The following TMEM131 variants were observed in gnomAD, a reference collection of about 807,000 sequenced individuals.
TMEM131 encodes the protein transmembrane protein 131.
Under a neutral mutation model 211.6 loss-of-function variants are expected in TMEM131, and 66 were observed. The observed-to-expected ratio is 0.31, with a 90% CI of 0.26 to 0.38. The LOEUF is 0.38. Ranked by LOEUF, TMEM131 falls within the 10% of genes least tolerant of loss-of-function variation. TMEM131 has a pLI of 1.00. For synonymous variants in TMEM131, 844 were observed against 841.3 expected, an observed-to-expected ratio of 1.00 and a Z score of -0.06; for missense variants, 2,036 against 2,299.3, an observed-to-expected ratio of 0.89 and a Z score of 2.34.
At chr2:97,873,613 G>A (rs542354120) in intron 4 of TMEM131, among the ~76,000 whole-genome samples, 2 of 152,178 alleles carry the variant, frequency 1.3e-5, no homozygotes, top group African/African-American at 2.4e-5. Context: ...AAACAGCGTC[G>A]GGAGTGGACC....
intron 3 of TMEM131, among the ~76,000 whole-genome samples, chr2:97,894,762 T>C (rs1349001132): frequency 6.6e-6 from 1 of 152,176 alleles, no homozygotes; most frequent in Non-Finnish European, 1.5e-5. Context: ...AGCTTAAGGA[T>C]ATTTTGAGCT....
intron 10 of TMEM131, 46 bp from the exon 11 acceptor site, chr2:97,833,472 TAGCC>T: frequency 2.3e-6 from 2 of 884,204 alleles, no homozygotes; most frequent in Non-Finnish European, 3.5e-6. Flanking sequence ...AGGTGCTTTT[TAGCC>T]AAGTTAGAAT....
At chr2:97,776,887 G>C (rs1214692119) in intron 31 of TMEM131, among the ~76,000 whole-genome samples, 1 of 152,214 alleles carries the variant, frequency 6.6e-6, no homozygotes, top group Non-Finnish European at 1.5e-5. Flanking sequence ...ACCACACAGG[G>C]CTGTACTGAG....
chr2:97,927,461 C>G lies in TMEM131; in HGVS notation c.214G>C (p.Glu72Gln). ...CCTCCATCATCAAAACGCAGTACTT[C>G]TATTATGCTCTCTGACTGAACGAAT... ...EAFVQSESII[E>Q]VLRFDDGGLL... Residue 72 changes from glutamate to glutamine, a missense_variant, in exon 2 of 41, where the codon GAA becomes CAA. Physicochemically the swap from Glu to Gln is conservative, Grantham distance 29 (BLOSUM62 2). Coordinates refer to ENST00000186436, the MANE Select transcript of TMEM131 (RefSeq NM_015348.2). 3 of 1,590,576 alleles carry G rather than the reference C, an allele frequency of 1.9e-6. No individual in the cohort carries two copies. The highest frequency in any genetic ancestry group is 1.7e-6 in the Non-Finnish European group (2 of 1,169,230).
intron 2 of TMEM131, among the ~76,000 whole-genome samples, chr2:97,912,496 C>CT (rs1481807341): frequency 6.6e-6 from 1 of 152,100 alleles, no homozygotes; most frequent in Admixed American, 6.6e-5. Flanking sequence ...TTTTAATCTT[C>CT]TATCAAATAT....
At chr2:97,892,463 C>G (rs1232222139) in intron 3 of TMEM131, among the ~76,000 whole-genome samples, 1 of 152,102 alleles carries the variant, frequency 6.6e-6, no homozygotes, top group Non-Finnish European at 1.5e-5. Context: ...TGGGCTCAAG[C>G]CACCCTCTTG....
chr2:97,760,499 A>G (rs909530220), intron 38 of TMEM131, 94 bp downstream of exon 38: 5 of 1,166,026 alleles, frequency 4.3e-6, no homozygotes, highest in African/African-American at 3.4e-5. Context: ...AAATTAGGGG[A>G]AAAATGCCCT....
intron 2 of TMEM131, among the ~76,000 whole-genome samples, chr2:97,923,231 G>A (rs1023128101): frequency 7.9e-5 from 12 of 152,146 alleles, no homozygotes; most frequent in Admixed American, 3.9e-4. Flanking sequence ...AATGAGCTGA[G>A]ATTGCTCACT....
intron 30 of TMEM131, 105 bp from the exon 31 acceptor site, chr2:97,793,089 A>G: frequency 1.2e-6 from 1 of 849,938 alleles, no homozygotes; most frequent in Non-Finnish European, 1.7e-6. Context: ...TATAAACTAC[A>G]CTAGGGAAAA....
intron 1 of TMEM131, among the ~76,000 whole-genome samples, chr2:97,937,189 C>A (rs2309314): frequency 6.6e-5 from 10 of 152,004 alleles, no homozygotes; most frequent in Admixed American, 1.3e-4. Flanking sequence ...ATGAGAACAA[C>A]GCTTCACCAA....
chr2:97,815,150 T>C lies in TMEM131; in HGVS notation c.1292+49A>G, dbSNP rs755927713. 15 of 1,052,258 alleles carry C rather than the reference T, an allele frequency of 1.4e-5. No individual in the cohort carries two copies. In the East Asian group the frequency reaches 4.4e-4, roughly 31 times the overall value. The allele number at this position is 1,052,258 out of a possible 1,614,324, so 65.2% of individuals were successfully genotyped here. ...CAGGTCATTTAGCAGGAAAATATAA[T>C]TTACTGATTAGTAAAAAGTAATAGA... is the stretch of plus-strand genomic sequence containing the variant. On this transcript the variant is annotated intron_variant, in intron 13 of 40. Coordinates refer to ENST00000186436, the MANE Select transcript of TMEM131 (RefSeq NM_015348.2).
intron 2 of TMEM131, among the ~76,000 whole-genome samples, chr2:97,927,140 CTA>C (rs958334722): frequency 6.6e-6 from 1 of 152,150 alleles, no homozygotes; most frequent in Non-Finnish European, 1.5e-5. Context: ...CAACCACTCT[CTA>C]TTACATTTCT....
rs535777978 is a variant in TMEM131 at position 97,995,880 on chromosome 2, G to C, written c.-218C>G. 8.0e-6 allele frequency: 2 copies of C among 248,654 alleles called. No homozygotes were observed. Among genetic ancestry groups the C allele is most frequent in the African/African-American group, 4.6e-5 (2 of 43,776 alleles). 15.4% of individuals were successfully genotyped at this position (248,654 alleles called of 1,614,324 possible). On this transcript the variant is annotated 5_prime_UTR_variant, in exon 1 of 41. Transcript: ENST00000186436. ...TTTGCCTGGGCATCGCCTACAAGCA[G>C]TCGGAGCGGAGAGGCCGCGGGTCAG...
chr2:97,768,524 C>T (rs763495554), intron 33 of TMEM131, among the ~76,000 whole-genome samples: 1 of 152,190 alleles, frequency 6.6e-6, no homozygotes, highest in Non-Finnish European at 1.5e-5. Context: ...TAAATTAAGC[C>T]AGATGATCTC....
At chr2:97,974,733 G>A (rs567353707) in intron 1 of TMEM131, among the ~76,000 whole-genome samples, 14 of 150,606 alleles carry the variant, frequency 9.3e-5, no homozygotes, top group African/African-American at 2.4e-4. Context: ...AAAACATGTC[G>A]ACCTGTAATT....
intron 5 of TMEM131, 92 bp downstream of exon 5, chr2:97,859,212 C>A: frequency 2.2e-6 from 3 of 1,333,950 alleles, no homozygotes; most frequent in Middle Eastern, 2.0e-4. Flanking sequence ...ATATTCAAAC[C>A]CAATTCTAAT....
At chr2:97,965,016 T>A (rs1033118321) in intron 1 of TMEM131, among the ~76,000 whole-genome samples, 1 of 152,208 alleles carries the variant, frequency 6.6e-6, no homozygotes, top group South Asian at 2.1e-4. Flanking sequence ...GAGAAAAGTC[T>A]CCTTATTGCC....
chr2:97,942,879 T>G (rs1198587819), intron 1 of TMEM131, among the ~76,000 whole-genome samples: 1 of 150,870 alleles, frequency 6.6e-6, no homozygotes, highest in East Asian at 1.9e-4. Context: ...CCCAGCACTT[T>G]AGGAGGCTGA....
chr2:97,807,782 T>C (rs575946468), intron 19 of TMEM131, among the ~76,000 whole-genome samples: 12 of 152,240 alleles, frequency 7.9e-5, no homozygotes, highest in African/African-American at 2.9e-4. Flanking sequence ...AGGACATCAT[T>C]GATTGAGAAG....
Sources: allele counts gnomAD v4.1 joint callset (sites outside exome capture counted in the v4.1 genomes callset), GRCh38; gene constraint gnomAD v4.1.1; transcripts MANE v1.5; gene names NCBI Gene and HGNC (gene_info 2026-07-23, HGNC 2026-07-21).